KCNAB1: variants seen among roughly 807,000 people sequenced by gnomAD.
KCNAB1 encodes the protein voltage-gated potassium channel subunit beta-1.
Under a neutral mutation model 64.6 loss-of-function variants are expected in KCNAB1, and 35 were observed. The ratio of observed to expected loss-of-function variants is 0.54; its 90% CI spans 0.41 to 0.72. The LOEUF (loss-of-function observed/expected upper bound fraction) is 0.72, where lower values mean the gene tolerates loss of function less well. KCNAB1 is among the 30% of genes least tolerant of loss of function. The probability of loss-of-function intolerance (pLI) is 0.00; values close to 1 mark genes in which losing one functional copy is unlikely to be tolerated. For missense variants in KCNAB1, 401 were observed against 512.9 expected, an observed-to-expected ratio of 0.78 and a Z score of 2.11; for synonymous variants, 177 against 183.8, an observed-to-expected ratio of 0.96 and a Z score of 0.30.
At chr3:156,292,644 C>T (rs973349071) in intron 1 of KCNAB1, among the ~76,000 whole-genome samples, 2 of 152,032 alleles carry the variant, frequency 1.3e-5, no homozygotes. Context: ...TGGGTTCAAG[C>T]GATTCTCCTG....
At position 156,361,729 on chromosome 3, in the gene KCNAB1, G is replaced by A. The variant is rs373481859; in HGVS notation, c.276-59887G>A. Among the ~76,000 whole-genome samples the A allele has an allele frequency of 1.8e-4, 27 of 152,272 alleles. No individual in the cohort carries two copies. The East Asian group carries it at 3.3e-3, about 19-fold the overall frequency. On this transcript the variant is annotated intron_variant, in intron 1 of 13. Transcript: ENST00000490337. Reference sequence around the variant, plus strand: ...AACAGAGACAGTGCACACGATTATAGCTCATTGGAGCCTTGACCTCCTGGG... The same window carrying A: ...AACAGAGACAGTGCACACGATTATAACTCATTGGAGCCTTGACCTCCTGGG...
intron 1 of KCNAB1, among the ~76,000 whole-genome samples, chr3:156,233,414 G>A (rs563498002): frequency 3.5e-4 from 54 of 152,276 alleles, no homozygotes; most frequent in Non-Finnish European, 6.2e-4. Flanking sequence ...TTGGAAACAG[G>A]AGTGTGTCCA....
At chr3:156,482,986 C>A (rs1281834332) in intron 8 of KCNAB1, among the ~76,000 whole-genome samples, 1 of 151,992 alleles carries the variant, frequency 6.6e-6, no homozygotes, top group African/African-American at 2.4e-5. Flanking sequence ...TTTATCAAAT[C>A]AATTAAAACA....
chr3:156,200,869 TACAA>T (rs1052475597), intron 1 of KCNAB1, among the ~76,000 whole-genome samples: 14 of 152,162 alleles, frequency 9.2e-5, no homozygotes, highest in African/African-American at 3.1e-4. Context: ...CAACCAAACA[TACAA>T]ACAAACAAAC....
intron 1 of KCNAB1, among the ~76,000 whole-genome samples, chr3:156,338,330 T>TTTTTTTTTTTTTTC (rs1723871417): frequency 1.6e-5 from 2 of 125,950 alleles, no homozygotes; most frequent in East Asian, 2.3e-4. Flanking sequence ...TTTTTTTTTT[T>TTTTTTTTTTTTTTC]ACAGAGTTTA....
chr3:156,444,203 G>C (rs1158495846), intron 2 of KCNAB1, among the ~76,000 whole-genome samples: 1 of 152,220 alleles, frequency 6.6e-6, no homozygotes, highest in Non-Finnish European at 1.5e-5. Flanking sequence ...CAAGCACCCA[G>C]ACATAGGTCT....
intron 1 of KCNAB1, among the ~76,000 whole-genome samples, chr3:156,283,231 G>T (rs1256507735): frequency 6.7e-6 from 1 of 149,674 alleles, no homozygotes; most frequent in African/African-American, 2.5e-5. Context: ...ATGAAGCTTA[G>T]TTTGGCTGGA....
chr3:156,224,691 C>T (rs13085088), intron 1 of KCNAB1, among the ~76,000 whole-genome samples: 17,179 of 151,802 alleles, frequency 0.11, 1,226 homozygotes, highest in Non-Finnish European at 0.16. Flanking sequence ...AGAGATTAAC[C>T]GAGAAGAGAG....
intron 1 of KCNAB1, among the ~76,000 whole-genome samples, chr3:156,265,167 T>C (rs1445857697): frequency 6.6e-6 from 1 of 152,222 alleles, no homozygotes; most frequent in African/African-American, 2.4e-5. Context: ...GGGGACATGA[T>C]AGTTCAAGCT....
At chr3:156,529,533 A>G (rs1718550762) in intron 12 of KCNAB1, among the ~76,000 whole-genome samples, 1 of 151,918 alleles carries the variant, frequency 6.6e-6, no homozygotes, top group Non-Finnish European at 1.5e-5. Flanking sequence ...CAGCATCAGC[A>G]TAAGCATTAC....
chr3:156,424,186 A>G (rs1715661626), intron 2 of KCNAB1, among the ~76,000 whole-genome samples: 1 of 152,168 alleles, frequency 6.6e-6, no homozygotes, highest in South Asian at 2.1e-4. Flanking sequence ...GGAGAGTGGC[A>G]GTGAGAAGTG....
chr3:156,390,158 A>G (rs1267023516), intron 1 of KCNAB1, among the ~76,000 whole-genome samples: 1 of 152,254 alleles, frequency 6.6e-6, no homozygotes, highest in Non-Finnish European at 1.5e-5. Context: ...CTATGAAAGC[A>G]GCTCTAGCTG....
At chr3:156,193,022 G>T (rs946989011) in intron 1 of KCNAB1, among the ~76,000 whole-genome samples, 2 of 151,624 alleles carry the variant, frequency 1.3e-5, no homozygotes, top group East Asian at 3.9e-4. Flanking sequence ...TGATATGGTT[G>T]GATTTAAATC....
intron 1 of KCNAB1, among the ~76,000 whole-genome samples, chr3:156,210,486 A>G (rs1397823429): frequency 6.6e-6 from 1 of 152,200 alleles, no homozygotes; most frequent in Admixed American, 6.5e-5. Context: ...CTCAGCCTGT[A>G]CTAGAGAGAG....
At position 156,280,730 on chromosome 3, in the gene KCNAB1, A is replaced by G. The variant is rs1719658369; in HGVS notation, c.276-140886A>G. Reference sequence around the variant, plus strand: ...TAGGTATTTTATTCTCTTTGAAGCAATTGTGAATGGGAGTTCACTCATGAT... The same window carrying G: ...TAGGTATTTTATTCTCTTTGAAGCAGTTGTGAATGGGAGTTCACTCATGAT... On this transcript the variant is annotated intron_variant, in intron 1 of 13. Transcript: ENST00000490337. Among the ~76,000 whole-genome samples the G allele has an allele frequency of 2.6e-5, 4 of 151,630 alleles. No individual in the cohort carries two copies. In the South Asian group the frequency reaches 8.4e-4, roughly 32 times the overall value.
At chr3:156,492,479 A>G (rs534246818) in intron 8 of KCNAB1, among the ~76,000 whole-genome samples, 78 of 152,164 alleles carry the variant, frequency 5.1e-4, no homozygotes, top group Admixed American at 2.0e-3. Flanking sequence ...ATATGGAGAC[A>G]CCATATATAC....
chr3:156,124,064 T>G (rs932538838), intron 1 of KCNAB1, among the ~76,000 whole-genome samples: 1 of 152,096 alleles, frequency 6.6e-6, no homozygotes, highest in Non-Finnish European at 1.5e-5. Context: ...TAAAATTTTG[T>G]AAGGACTATA....
intron 1 of KCNAB1, among the ~76,000 whole-genome samples, chr3:156,140,890 G>A (rs571758289): frequency 1.3e-5 from 2 of 152,218 alleles, no homozygotes; most frequent in South Asian, 4.1e-4. Flanking sequence ...GAGCATGTGC[G>A]CGTGTGTGAA....
At chr3:156,189,892 C>A (rs1010523098) in intron 1 of KCNAB1, among the ~76,000 whole-genome samples, 1 of 152,212 alleles carries the variant, frequency 6.6e-6, no homozygotes, top group African/African-American at 2.4e-5. Flanking sequence ...CTAAACAAAT[C>A]GCCAATCAAA....
Sources: gnomAD v4.1 joint callset for allele counts (sites outside exome capture counted in the v4.1 genomes callset) on GRCh38, gnomAD v4.1.1 for gene constraint, MANE v1.5 for transcripts, NCBI Gene and HGNC (gene_info 2026-07-23, HGNC 2026-07-21) for gene names.